Variants in VSNL1 observed in about 807,000 individuals in gnomAD.
The protein encoded by VSNL1 is visinin like 1.
Under a neutral mutation model 20.4 loss-of-function variants are expected in VSNL1, and 6 were observed. The observed-to-expected ratio is 0.29, with a 90% CI of 0.16 to 0.58. VSNL1 has a LOEUF of 0.58. Ranked by LOEUF, VSNL1 falls within the 20% of genes least tolerant of loss-of-function variation. The pLI is 0.90. For synonymous variants in VSNL1, 93 were observed against 86.4 expected (o/e 1.08, Z -0.42); for missense variants, 100 against 234.5 (o/e 0.43, Z 3.75).
At chr2:17,629,079 TC>T (rs1665575194) in intron 2 of VSNL1, among the ~76,000 whole-genome samples, 1 of 152,230 alleles carries the variant, frequency 6.6e-6, no homozygotes, top group African/African-American at 2.4e-5. Flanking sequence ...CTCTGCATCT[TC>T]CTTGGGTGTC....
intron 2 of VSNL1, among the ~76,000 whole-genome samples, chr2:17,596,607 C>T (rs1041463401): frequency 2.0e-5 from 3 of 152,140 alleles, no homozygotes; most frequent in Non-Finnish European, 4.4e-5. Flanking sequence ...AATCAAGAAA[C>T]AAACCTAGAG....
chr2:17,572,509 C>T (rs1219127505), intron 1 of VSNL1, among the ~76,000 whole-genome samples: 1 of 151,902 alleles, frequency 6.6e-6, no homozygotes, highest in Admixed American at 6.6e-5. Context: ...GTAATTAACA[C>T]TAAAAAAGAA....
intron 2 of VSNL1, among the ~76,000 whole-genome samples, chr2:17,622,573 AAAG>A (rs1175668637): frequency 4.9e-5 from 7 of 143,066 alleles, no homozygotes; most frequent in African/African-American, 7.6e-5. Flanking sequence ...AGAAAGAAAG[AAAG>A]AAAGAAAGAA....
At chr2:17,600,658 G>A (rs1462602802) in intron 2 of VSNL1, among the ~76,000 whole-genome samples, 1 of 152,208 alleles carries the variant, frequency 6.6e-6, no homozygotes, top group Admixed American at 6.5e-5. Context: ...ATTGGGCAGA[G>A]CTGTATATAG....
chr2:17,636,772 T>G (rs1434220614), intron 2 of VSNL1, among the ~76,000 whole-genome samples: 1 of 152,216 alleles, frequency 6.6e-6, no homozygotes, highest in East Asian at 1.9e-4. Context: ...TTCCAATTCC[T>G]TATGTGATTG....
intron 2 of VSNL1, among the ~76,000 whole-genome samples, chr2:17,605,907 TAGAC>T (rs772820964): frequency 1.4e-4 from 22 of 152,236 alleles, no homozygotes; most frequent in Non-Finnish European, 2.1e-4. Flanking sequence ...AGATGAATAA[TAGAC>T]AGAGAATACT....
At chr2:17,609,430 T>A (rs1163972625) in intron 2 of VSNL1, among the ~76,000 whole-genome samples, 1 of 152,186 alleles carries the variant, frequency 6.6e-6, no homozygotes, top group Non-Finnish European at 1.5e-5. Flanking sequence ...TAAAAGTCAG[T>A]TACTATGGAA....
intron 1 of VSNL1, among the ~76,000 whole-genome samples, chr2:17,541,850 A>C (rs1663291483): frequency 6.6e-6 from 1 of 152,192 alleles, no homozygotes; most frequent in Non-Finnish European, 1.5e-5. Flanking sequence ...GTGTACGTGG[A>C]AGGAGCGAGG....
chr2:17,630,483 G>C (rs1211313303), intron 2 of VSNL1, among the ~76,000 whole-genome samples: 1 of 152,242 alleles, frequency 6.6e-6, no homozygotes, highest in Non-Finnish European at 1.5e-5. Context: ...TCTCCCTAAT[G>C]AATGTAGCAG....
At chr2:17,635,530 G>A (rs1016982969) in intron 2 of VSNL1, among the ~76,000 whole-genome samples, 1 of 152,086 alleles carries the variant, frequency 6.6e-6, no homozygotes. Context: ...ATGTAGCGTC[G>A]AGGCAAAGAA....
intron 1 of VSNL1, 81 bp from the exon 2 acceptor site, chr2:17,591,989 T>C (rs1664602216): frequency 6.5e-7 from 1 of 1,550,342 alleles, no homozygotes; most frequent in Non-Finnish European, 8.8e-7. Flanking sequence ...ATGGGACTGC[T>C]CAGAACTCTA....
chr2:17,643,008 G>A (rs1464340249), intron 2 of VSNL1, among the ~76,000 whole-genome samples: 14 of 152,046 alleles, frequency 9.2e-5, no homozygotes, highest in Non-Finnish European at 1.5e-5. Context: ...CCCTTTGAGG[G>A]TGGGGGTGGG....
chr2:17,545,966 T>C (rs932732182), intron 1 of VSNL1: 1 of 152,030 alleles, frequency 6.6e-6, no homozygotes, highest in Non-Finnish European at 1.5e-5. Flanking sequence ...TAACCATCAA[T>C]TGTTTATTCT....
chr2:17,551,407 G>A (rs1490660096), intron 1 of VSNL1, among the ~76,000 whole-genome samples: 3 of 152,098 alleles, frequency 2.0e-5, no homozygotes. Context: ...CACTTTTCTG[G>A]TACCTACAAG....
intron 2 of VSNL1, among the ~76,000 whole-genome samples, chr2:17,611,996 A>G (rs2103394108): frequency 6.6e-6 from 1 of 152,304 alleles, no homozygotes; most frequent in South Asian, 2.1e-4. Flanking sequence ...AGAGGTGGGC[A>G]ATGCAAGGCA....
At chr2:17,639,024 A>T (rs1665822747) in intron 2 of VSNL1, among the ~76,000 whole-genome samples, 1 of 152,158 alleles carries the variant, frequency 6.6e-6, no homozygotes, top group Non-Finnish European at 1.5e-5. Context: ...CTCTTGTTGC[A>T]TCTTGTGGCA....
intron 1 of VSNL1, among the ~76,000 whole-genome samples, chr2:17,583,194 C>T (rs1388459343): frequency 6.6e-6 from 1 of 152,156 alleles, no homozygotes; most frequent in African/African-American, 2.4e-5. Context: ...ACCCCCTCCA[C>T]CAAATATTCA....
At chr2:17,626,739 T>TAA (rs752899093) in intron 2 of VSNL1, among the ~76,000 whole-genome samples, 1 of 152,234 alleles carries the variant, frequency 6.6e-6, no homozygotes, top group South Asian at 2.1e-4. Context: ...AAGTGCTTAC[T>TAA]ACCTTTTATT....
intron 1 of VSNL1, among the ~76,000 whole-genome samples, chr2:17,589,681 C>T (rs1221732117): frequency 6.6e-6 from 1 of 152,184 alleles, no homozygotes; most frequent in Non-Finnish European, 1.5e-5. Flanking sequence ...GTGTAAGAGA[C>T]CACCCTCTCC....
Sources: gnomAD v4.1 joint callset for allele counts (sites outside exome capture counted in the v4.1 genomes callset) on GRCh38, gnomAD v4.1.1 for gene constraint, MANE v1.5 for transcripts, NCBI Gene and HGNC (gene_info 2026-07-23, HGNC 2026-07-21) for gene names.